CALN1: variants seen among roughly 807,000 people sequenced by gnomAD.
CALN1 encodes the protein calcium-binding protein 8.
CALN1 carries 17 observed loss-of-function variants against 30.6 expected under a neutral mutation model. That is an observed-to-expected ratio of 0.56 (90% CI 0.38 to 0.83). The LOEUF is 0.83. CALN1 is among the 40% of genes least tolerant of loss of function. CALN1 has a pLI of 0.00. For synonymous variants in CALN1, 156 were observed against 131.4 expected (o/e 1.19, Z -1.28); for missense variants, 291 against 354.9 (o/e 0.82, Z 1.45).
intron 5 of CALN1, among the ~76,000 whole-genome samples, chr7:71,937,239 G>A (rs886888397): frequency 6.6e-6 from 1 of 151,994 alleles, no homozygotes; most frequent in African/African-American, 2.4e-5. Flanking sequence ...GAACCCGGGA[G>A]ACAGAGGTTG....
intron 6 of CALN1, among the ~76,000 whole-genome samples, chr7:71,789,877 C>T (rs532220691): frequency 1.3e-5 from 2 of 152,024 alleles, no homozygotes; most frequent in Non-Finnish European, 2.9e-5. Flanking sequence ...AGGAGGATTG[C>T]TTGAAGCCAG....
chr7:72,192,477 G>A (rs1451993113), intron 3 of CALN1, among the ~76,000 whole-genome samples: 1 of 152,140 alleles, frequency 6.6e-6, no homozygotes, highest in East Asian at 1.9e-4. Context: ...GCAATAAAGA[G>A]CAGTGAAAGA....
the CALN1 span, among the ~76,000 whole-genome samples, chr7:72,497,422 AGAGT>A: frequency 1.3e-5 from 2 of 152,240 alleles, no homozygotes; most frequent in Non-Finnish European, 2.9e-5. Flanking sequence ...CCTGGGTGAC[AGAGT>A]GAGACCCCAT....
chr7:72,101,000 G>A (rs1806622213), intron 4 of CALN1, among the ~76,000 whole-genome samples: 1 of 151,682 alleles, frequency 6.6e-6, no homozygotes, highest in Non-Finnish European at 1.5e-5. Flanking sequence ...GTCTTGCTTT[G>A]TCACCCAGGC....
chr7:72,103,307 T>C, intron 4 of CALN1: 1 of 178,820 alleles, frequency 5.6e-6, no homozygotes, highest in South Asian at 1.4e-4. Context: ...GGTATGAAGC[T>C]AGTCAGCTAT....
chr7:72,180,589 C>T (rs1789697868), intron 3 of CALN1, among the ~76,000 whole-genome samples: 2 of 121,574 alleles, frequency 1.6e-5, no homozygotes, highest in African/African-American at 3.0e-5. Context: ...ATTTGAAATA[C>T]TGTTTATGCT....
the CALN1 span, among the ~76,000 whole-genome samples, chr7:72,463,215 G>T: frequency 6.6e-6 from 1 of 152,068 alleles, no homozygotes; most frequent in Non-Finnish European, 1.5e-5. Context: ...TCCGCCTCCC[G>T]GGTTCAAGTG....
intron 5 of CALN1, among the ~76,000 whole-genome samples, chr7:71,811,952 T>C (rs1787987423): frequency 6.6e-6 from 1 of 152,182 alleles, no homozygotes; most frequent in South Asian, 2.1e-4. Context: ...GTGCTGGGAT[T>C]ACAGGTGTGA....
intron 5 of CALN1, among the ~76,000 whole-genome samples, chr7:71,850,615 T>TAAAAA (rs1790582086): frequency 6.6e-6 from 1 of 152,188 alleles, no homozygotes; most frequent in Admixed American, 6.5e-5. Context: ...GTATATTTTT[T>TAAAAA]GTAGGGGGGA....
At chr7:72,327,554 C>T (rs1801367503) in intron 2 of CALN1, among the ~76,000 whole-genome samples, 1 of 152,172 alleles carries the variant, frequency 6.6e-6, no homozygotes, top group African/African-American at 2.4e-5. Flanking sequence ...AAGAATAATA[C>T]TTAGTTGTAA....
intron 2 of CALN1, among the ~76,000 whole-genome samples, chr7:72,386,621 CA>C (rs1394946260): frequency 6.6e-6 from 1 of 152,092 alleles, no homozygotes; most frequent in Non-Finnish European, 1.5e-5. Flanking sequence ...TTGGAGACAT[CA>C]GTGTAAACCT....
intron 5 of CALN1, among the ~76,000 whole-genome samples, chr7:71,893,969 T>A (rs1793398056): frequency 6.6e-6 from 1 of 152,076 alleles, no homozygotes; most frequent in Non-Finnish European, 1.5e-5. Context: ...CACCTAGACA[T>A]CACACAACTT....
chr7:71,828,897 C>A (rs1207468569), intron 5 of CALN1, among the ~76,000 whole-genome samples: 1 of 151,828 alleles, frequency 6.6e-6, no homozygotes, highest in Non-Finnish European at 1.5e-5. Context: ...TACAGGCACA[C>A]ACCACCACAC....
At chr7:72,277,086 T>A (rs1334893162) in intron 3 of CALN1, among the ~76,000 whole-genome samples, 1 of 151,090 alleles carries the variant, frequency 6.6e-6, no homozygotes, top group Non-Finnish European at 1.5e-5. Flanking sequence ...TGTTTTGTTA[T>A]AGCAGCCTGA....
At chr7:72,356,884 C>T (rs1333125382) in intron 2 of CALN1, among the ~76,000 whole-genome samples, 1 of 151,962 alleles carries the variant, frequency 6.6e-6, no homozygotes, top group African/African-American at 2.4e-5. Context: ...AGTGAGAAAG[C>T]TTAGAGCAAT....
At chr7:71,972,827 T>C (rs371665274) in intron 5 of CALN1, among the ~76,000 whole-genome samples, 2 of 152,184 alleles carry the variant, frequency 1.3e-5, no homozygotes, top group South Asian at 4.1e-4. Context: ...CAGGAGAGGC[T>C]GATGTTGAGA....
chr7:72,041,608 T>C (rs1023459223), intron 4 of CALN1, among the ~76,000 whole-genome samples: 1 of 152,120 alleles, frequency 6.6e-6, no homozygotes, highest in Non-Finnish European at 1.5e-5. Flanking sequence ...GGTCTCAAAC[T>C]CCTGACCTCA....
chr7:72,161,773 T>C (rs1472478869), intron 3 of CALN1, among the ~76,000 whole-genome samples: 2 of 151,076 alleles, frequency 1.3e-5, no homozygotes, highest in Non-Finnish European at 2.9e-5. Context: ...TAGGGGGCAG[T>C]GGCGGGTGGG....
At chr7:72,364,703 T>C (rs921030144) in intron 2 of CALN1, among the ~76,000 whole-genome samples, 29 of 152,328 alleles carry the variant, frequency 1.9e-4, no homozygotes, top group African/African-American at 6.7e-4. Flanking sequence ...ACAGTGATAG[T>C]TAAGTGAGGT....
Sources: gnomAD v4.1 joint callset for allele counts (sites outside exome capture counted in the v4.1 genomes callset) on GRCh38, gnomAD v4.1.1 for gene constraint, MANE v1.5 for transcripts, NCBI Gene and HGNC (gene_info 2026-07-23, HGNC 2026-07-21) for gene names.